SPRY3: variants seen among roughly 807,000 people sequenced by gnomAD.
The protein encoded by SPRY3 is protein sprouty homolog 3.
SPRY3 carries 15 observed loss-of-function variants against 20.2 expected under a neutral mutation model. The ratio of observed to expected loss-of-function variants is 0.74; its 90% CI spans 0.50 to 1.14. The LOEUF is 1.14. Among genes scored for constraint, SPRY3 ranks in the 50% most tolerant of loss-of-function variants. SPRY3 has a pLI of 0.00. For synonymous variants in SPRY3, 143 were observed against 136.5 expected (o/e 1.05, Z -0.33); for missense variants, 364 against 363.9 (o/e 1.00, Z 0.00).
At chrX:155,680,512 G>A (rs929931786) in intron 2 of SPRY3, among the ~76,000 whole-genome samples, 6 of 110,908 alleles carry the variant, frequency 5.4e-5, no homozygotes, top group African/African-American at 1.3e-4. Flanking sequence ...TGATGGGATG[G>A]ATGGCAGGAT....
At chrX:155,683,390 C>A (rs2068079109) in intron 2 of SPRY3, among the ~76,000 whole-genome samples, 1 of 112,060 alleles carries the variant, frequency 8.9e-6, no homozygotes, top group African/African-American at 3.2e-5. Flanking sequence ...TCAGCAGACA[C>A]CAACATTGAG....
chrX:155,774,902 ATGCCT>A, exon 4 of SPRY3: 1 of 762,330 alleles, frequency 1.3e-6, no homozygotes. Flanking sequence ...CTGGTGCAGG[ATGCCT>A]TGTTCTTTCT....
chrX:155,631,035 T>A (rs782456651), intron 1 of SPRY3, among the ~76,000 whole-genome samples: 2 of 110,786 alleles, frequency 1.8e-5, no homozygotes, highest in East Asian at 5.7e-4. Context: ...GGGGTACAGA[T>A]CCTATCACTC....
intron 1 of SPRY3, among the ~76,000 whole-genome samples, chrX:155,613,123 A>C (rs1367145645): frequency 3.6e-5 from 4 of 111,806 alleles, no homozygotes; most frequent in Non-Finnish European, 7.5e-5. Flanking sequence ...ATGAGAAAAA[A>C]CAGGCCCATA....
intron 1 of SPRY3, among the ~76,000 whole-genome samples, chrX:155,623,997 G>A (rs1445031113): frequency 1.8e-5 from 2 of 112,228 alleles, no homozygotes; most frequent in Non-Finnish European, 3.8e-5. Context: ...TGAATGTAAA[G>A]CACCTGGCTC....
chrX:155,765,019 C>T (rs938867677), intron 2 of SPRY3, among the ~76,000 whole-genome samples: 6 of 152,086 alleles, frequency 3.9e-5, no homozygotes, highest in Non-Finnish European at 7.4e-5. Context: ...GATGGAAGTG[C>T]CAAGGCAGGT....
At chrX:155,760,371 C>G (rs2091299299) in intron 2 of SPRY3, among the ~76,000 whole-genome samples, 1 of 152,124 alleles carries the variant, frequency 6.6e-6, no homozygotes, top group Admixed American at 6.6e-5. Context: ...TAAGGATTGG[C>G]TTAGCTTTGG....
chrX:155,718,812 G>A (rs942897985), intron 2 of SPRY3, among the ~76,000 whole-genome samples: 3 of 151,964 alleles, frequency 2.0e-5, no homozygotes, highest in East Asian at 1.9e-4. Context: ...GAAGCCAAAC[G>A]CAAAATCTGG....
rs760618040 is a variant in SPRY3 at position 155,738,346 on chromosome X, G to A, written c.-281-29616G>A. On this transcript the variant is annotated intron_variant, in intron 2 of 3. Transcript: ENST00000675360. ...TATAAAGTGTGCTTGGAACTCAACA[G>A]TAAAAAAAAAATCAAACAATCCAAT... Among the ~76,000 whole-genome samples the A allele has an allele frequency of 1.7e-4, 17 of 100,630 alleles. No individual in the cohort carries two copies. In the East Asian group the frequency reaches 3.2e-3, roughly 19 times the overall value. The allele number at this position is 100,630 out of a possible 152,430, so 66.0% of individuals were successfully genotyped here.
intron 2 of SPRY3, among the ~76,000 whole-genome samples, chrX:155,731,248 G>A (rs2091130274): frequency 6.6e-6 from 1 of 151,992 alleles, no homozygotes; most frequent in African/African-American, 2.4e-5. Context: ...CACATTACCT[G>A]ATTTCAAATT....
rs148632453 is a variant in SPRY3, at chrX:155,718,028, G to C, written c.-281-49934G>C. On this transcript the variant is annotated intron_variant, in intron 2 of 3. Transcript: ENST00000675360. ...CTACCATGCTGATTGAGCTGAATGG[G>C]AGTGGCCTCAAGCAAGAAAGCTGCA... Among the ~76,000 whole-genome samples, 198 of 152,250 alleles carry C rather than the reference G, an allele frequency of 1.3e-3. No individual in the cohort carries two copies. The East Asian group carries it at 0.032, about 25-fold the overall frequency.
At chrX:155,696,011 T>C (rs1041407620) in intron 2 of SPRY3, among the ~76,000 whole-genome samples, 1 of 110,853 alleles carries the variant, frequency 9.0e-6, no homozygotes, top group Non-Finnish European at 1.9e-5. Flanking sequence ...TCCAGTAATT[T>C]TGGATTATAC....
intron 2 of SPRY3, among the ~76,000 whole-genome samples, chrX:155,700,621 T>C: frequency 1.2e-5 from 1 of 84,672 alleles, no homozygotes; most frequent in South Asian, 5.1e-4. Context: ...AAGTTCTTTT[T>C]TTTTTTTTTT....
chrX:155,742,113 A>G (rs2091206697), intron 2 of SPRY3, among the ~76,000 whole-genome samples: 2 of 152,316 alleles, frequency 1.3e-5, no homozygotes, highest in African/African-American at 2.4e-5. Context: ...CTCATGTACA[A>G]AGACACATGT....
At chrX:155,672,438 T>A (rs1445833265) in intron 2 of SPRY3, among the ~76,000 whole-genome samples, 1 of 111,141 alleles carries the variant, frequency 9.0e-6, no homozygotes, top group African/African-American at 3.3e-5. Context: ...AGAAGACATT[T>A]ATGCAGCCAA....
chrX:155,659,155 C>CTTTCT (rs1557353362), intron 2 of SPRY3, among the ~76,000 whole-genome samples: 6 of 88,271 alleles, frequency 6.8e-5, no homozygotes, highest in Non-Finnish European at 9.0e-5. Context: ...TTCTTTCTTT[C>CTTTCT]TTTTTTTGAG....
chrX:155,750,213 G>A (rs1019816697), intron 2 of SPRY3, among the ~76,000 whole-genome samples: 1 of 151,892 alleles, frequency 6.6e-6, no homozygotes, highest in African/African-American at 2.4e-5. Flanking sequence ...TCACTTACAA[G>A]TGGGAGCTAA....
At chrX:155,703,251 C>CTT (rs1469362928) in intron 2 of SPRY3, among the ~76,000 whole-genome samples, 1 of 15,902 alleles carries the variant, frequency 6.3e-5, no homozygotes, top group Admixed American at 6.3e-4. Context: ...GTCCTGGACT[C>CTT]TTTTTGGTTG....
intron 1 of SPRY3, among the ~76,000 whole-genome samples, chrX:155,650,009 AT>A (rs1264346713): frequency 9.0e-6 from 1 of 111,564 alleles, no homozygotes; most frequent in Non-Finnish European, 1.9e-5. Flanking sequence ...CCCATTCACA[AT>A]TGCTAAAAAG....
Sources: gnomAD v4.1 joint callset for allele counts (sites outside exome capture counted in the v4.1 genomes callset) on GRCh38, gnomAD v4.1.1 for gene constraint, MANE v1.5 for transcripts, NCBI Gene and HGNC (gene_info 2026-07-23, HGNC 2026-07-21) for gene names.